SFMBT2: variants seen among roughly 807,000 people sequenced by gnomAD.
The protein encoded by SFMBT2 is Scm like with four mbt domains 2.
SFMBT2 carries 38 observed loss-of-function variants against 110.1 expected under a neutral mutation model. The ratio of observed to expected loss-of-function variants is 0.35; its 90% CI spans 0.27 to 0.45. The LOEUF (loss-of-function observed/expected upper bound fraction) is 0.45. Among genes scored for constraint, SFMBT2 ranks in the 20% least tolerant of loss-of-function variants. The pLI, the probability that SFMBT2 is intolerant of heterozygous loss-of-function variation, is 1.00. For synonymous variants in SFMBT2, 425 were observed against 425.4 expected, an observed-to-expected ratio of 1.00 and a Z score of 0.01; for missense variants, 1,011 against 1,094.9, an observed-to-expected ratio of 0.92 and a Z score of 1.08.
At chr10:7,196,053 C>A (rs2692803) in intron 15 of SFMBT2, among the ~76,000 whole-genome samples, 3 of 151,924 alleles carry the variant, frequency 2.0e-5, no homozygotes, top group Non-Finnish European at 4.4e-5. Context: ...CTCTGACTTC[C>A]CTTCAATGGC....
At chr10:7,219,621 A>G in intron 11 of SFMBT2, 1 of 284,444 alleles carries the variant, frequency 3.5e-6, no homozygotes, top group Non-Finnish European at 5.3e-6. Flanking sequence ...ACTATGAACT[A>G]GGAGAGCTAA....
At chr10:7,344,818 GCA>G (rs1401913894) in intron 4 of SFMBT2, among the ~76,000 whole-genome samples, 3 of 151,972 alleles carry the variant, frequency 2.0e-5, no homozygotes, top group Non-Finnish European at 4.4e-5. Context: ...AATTAGCCGG[GCA>G]CAGTGGCGGG....
intron 2 of SFMBT2, 26 bp downstream of exon 2, chr10:7,381,773 G>C (rs768997536): frequency 5.0e-6 from 8 of 1,606,818 alleles, no homozygotes; most frequent in Non-Finnish European, 6.8e-6. Context: ...CAAAAATCCA[G>C]ATGAATCTCG....
intron 4 of SFMBT2, among the ~76,000 whole-genome samples, chr10:7,317,879 G>A (rs1843064368): frequency 6.6e-6 from 1 of 152,106 alleles, no homozygotes; most frequent in Non-Finnish European, 1.5e-5. Flanking sequence ...TTGTATCTCT[G>A]GATGAAAAAG....
intron 4 of SFMBT2, among the ~76,000 whole-genome samples, chr10:7,352,171 C>T (rs965834777): frequency 2.0e-5 from 3 of 152,066 alleles, no homozygotes; most frequent in African/African-American, 7.2e-5. Context: ...TCCAGAGATG[C>T]CAGTGTTTTA....
intron 7 of SFMBT2, among the ~76,000 whole-genome samples, chr10:7,265,278 T>C (rs924651531): frequency 6.6e-6 from 1 of 151,650 alleles, no homozygotes; most frequent in African/African-American, 2.4e-5. Flanking sequence ...CTCAGCTCAC[T>C]GCAACCTCCG....
At chr10:7,385,925 G>A (rs535209800) in intron 1 of SFMBT2, among the ~76,000 whole-genome samples, 34 of 152,214 alleles carry the variant, frequency 2.2e-4, no homozygotes, top group African/African-American at 7.0e-4. Flanking sequence ...GCGTGAACCC[G>A]GGAGGCAGAG....
At chr10:7,226,186 C>G (rs1839891350) in intron 10 of SFMBT2, among the ~76,000 whole-genome samples, 5 of 152,218 alleles carry the variant, frequency 3.3e-5, no homozygotes, top group Admixed American at 6.5e-5. Flanking sequence ...CCGGATCATG[C>G]AGGTGCCAGG....
intron 9 of SFMBT2, among the ~76,000 whole-genome samples, chr10:7,238,500 G>C (rs1294509688): frequency 6.6e-6 from 1 of 152,142 alleles, no homozygotes; most frequent in East Asian, 1.9e-4. Context: ...GTGACAAAAT[G>C]GATTAAGCTC....
intron 7 of SFMBT2, chr10:7,249,575 G>C (rs935422421): frequency 5.6e-5 from 55 of 984,718 alleles, no homozygotes; most frequent in Non-Finnish European, 6.4e-5. Context: ...AAAATATCTG[G>C]GGACCTGTTA....
intron 4 of SFMBT2, among the ~76,000 whole-genome samples, chr10:7,310,234 C>A (rs2131900048): frequency 6.6e-6 from 1 of 152,328 alleles, no homozygotes; most frequent in Admixed American, 6.5e-5. Context: ...AGAAAGACCT[C>A]TCCGACAAGG....
rs1448111767 is a variant in SFMBT2, at chr10:7,370,497, A to G, written c.101-122T>C. On this transcript the variant is annotated intron_variant, in intron 2 of 20. Coordinates refer to ENST00000397167, the MANE Select transcript of SFMBT2 (RefSeq NM_001387889.1). ...CAAGCTAATTCCACAGTTCAGAAGG[A>G]TATTGCTGAATTTTTTGCAAAGCTT... 4 of 812,692 alleles carry G rather than the reference A, an allele frequency of 4.9e-6. No individual in the cohort carries two copies. In the Admixed American group the frequency reaches 9.9e-5, roughly 20 times the overall value. The allele number at this position is 812,692 out of a possible 1,614,324, so 50.3% of individuals were successfully genotyped here.
intron 4 of SFMBT2, among the ~76,000 whole-genome samples, chr10:7,314,873 A>AC (rs1842941427): frequency 6.6e-6 from 1 of 151,604 alleles, no homozygotes; most frequent in Non-Finnish European, 1.5e-5. Context: ...GTGTCACTGC[A>AC]CTTCAGCCTG....
chr10:7,370,471 A>G, intron 2 of SFMBT2, 96 bp from the exon 3 acceptor site: 1 of 1,021,416 alleles, frequency 9.8e-7, no homozygotes, highest in Non-Finnish European at 1.5e-6. Context: ...CATACAAGAC[A>G]CAAGCTAATT....
At chr10:7,370,400 T>A in intron 2 of SFMBT2, 25 bp from the exon 3 acceptor site, 1 of 1,585,726 alleles carries the variant, frequency 6.3e-7, no homozygotes, top group Non-Finnish European at 8.7e-7. Flanking sequence ...AAGAACAGAA[T>A]ATCAATACTG....
At chr10:7,373,321 T>G (rs1389906835) in intron 2 of SFMBT2, among the ~76,000 whole-genome samples, 1 of 152,224 alleles carries the variant, frequency 6.6e-6, no homozygotes, top group East Asian at 1.9e-4. Flanking sequence ...CAGATGCAGC[T>G]GCCCGTCATA....
Position 7,172,281 on chromosome 10 carries a change from T to C in SFMBT2, c.2152-123A>G. The C allele has an allele frequency of 3.4e-6, 5 of 1,453,510 alleles. No individual in the cohort carries two copies. Among genetic ancestry groups the C allele is most frequent in the Non-Finnish European group, 4.5e-6 (5 of 1,104,940 alleles). 90.0% of individuals were successfully genotyped at this position (1,453,510 alleles called of 1,614,324 possible). ...AAACCCTCGGAAATGGAGCCAGTGG[T>C]CCCACCCGTGGGCCCTACGAGGCCC... On this transcript the variant is annotated intron_variant, in intron 18 of 20. Coordinates refer to ENST00000397167, the MANE Select transcript of SFMBT2 (RefSeq NM_001387889.1). This position sits in a 1 kb window ranked among gnomAD's most constrained non-coding sequence, Gnocchi z 4.6.
intron 1 of SFMBT2, among the ~76,000 whole-genome samples, chr10:7,391,642 T>C (rs950310937): frequency 6.6e-6 from 1 of 152,172 alleles, no homozygotes; most frequent in Non-Finnish European, 1.5e-5. Flanking sequence ...TTCCTTCCTA[T>C]AAGAGATAGA....
Position 7,367,591 on chromosome 10 carries a change from T to C in SFMBT2, c.436+58A>G. 6.4e-6 allele frequency: 10 copies of C among 1,571,104 alleles called. No individual in the cohort carries two copies. Among genetic ancestry groups the C allele is most frequent in the Non-Finnish European group, 8.6e-6 (10 of 1,159,836 alleles). On this transcript the variant is annotated intron_variant, in intron 4 of 20. Coordinates refer to ENST00000397167, the MANE Select transcript of SFMBT2 (RefSeq NM_001387889.1). The surrounding 1 kb of genome is among the most constrained non-coding windows in gnomAD (Gnocchi z 6.2). ...AGGTTCTCTCTGCTCCTTGCAAAAT[T>C]ACAGGCGTCATGAAGGATGGCGGCT... is the stretch of plus-strand genomic sequence containing the variant.
Sources: allele counts gnomAD v4.1 joint callset (sites outside exome capture counted in the v4.1 genomes callset), GRCh38; gene constraint gnomAD v4.1.1; non-coding constraint Gnocchi (gnomAD v3.1); transcripts MANE v1.5; gene names NCBI Gene and HGNC (gene_info 2026-07-23, HGNC 2026-07-21).